NCAM2: variants seen among roughly 807,000 people sequenced by gnomAD.
NCAM2 encodes the protein N-CAM-2.
A neutral mutation model predicts 98.1 loss-of-function variants in NCAM2; 30 were observed. The observed-to-expected ratio is 0.31, with a 90% CI of 0.23 to 0.41. The LOEUF is 0.41. Among genes scored for constraint, NCAM2 ranks in the 10% least tolerant of loss-of-function variants. NCAM2 has a pLI of 1.00. For missense variants in NCAM2, 867 were observed against 1,005.8 expected (o/e 0.86, Z 1.87); for synonymous variants, 368 against 342.4 (o/e 1.07, Z -0.83).
In NCAM2 at chr21:21,104,333, A is replaced by T. The variant is rs142841423; in HGVS notation, c.55+105715A>T. On this transcript the variant is annotated intron_variant, in intron 1 of 17. Coordinates refer to ENST00000400546, the MANE Select transcript of NCAM2 (RefSeq NM_004540.5). ...TATCTGCATGTCAAATGCAAAATACATAGGATGGAAAAATAGGAACAAAGA... is the reference window on the plus strand; with the variant it reads ...TATCTGCATGTCAAATGCAAAATACTTAGGATGGAAAAATAGGAACAAAGA... Among the ~76,000 whole-genome samples, 646 of 152,290 alleles carry T rather than the reference A, an allele frequency of 4.2e-3. 6 individuals are homozygous for T. The highest frequency in any genetic ancestry group is 0.01 in the South Asian group (50 of 4,830).
At chr21:21,383,372 G>A (rs995216537) in intron 9 of NCAM2, among the ~76,000 whole-genome samples, 1 of 152,094 alleles carries the variant, frequency 6.6e-6, no homozygotes, top group Non-Finnish European at 1.5e-5. Flanking sequence ...TCCTAGCTGA[G>A]ATTACCCTCA....
intron 1 of NCAM2, among the ~76,000 whole-genome samples, chr21:21,044,897 A>C (rs949246381): frequency 1.3e-5 from 2 of 152,088 alleles, no homozygotes; most frequent in African/African-American, 4.8e-5. Context: ...GCCCAGAGAG[A>C]GACCCTGTCT....
At chr21:21,360,640 C>T (rs1191152028) in intron 8 of NCAM2, among the ~76,000 whole-genome samples, 2 of 151,932 alleles carry the variant, frequency 1.3e-5, no homozygotes, top group Non-Finnish European at 2.9e-5. Context: ...TTATATTTTA[C>T]TGTCTATTAC....
At chr21:21,253,531 TCCATCAATGAA>T (rs2071548702) in intron 1 of NCAM2, among the ~76,000 whole-genome samples, 1 of 152,052 alleles carries the variant, frequency 6.6e-6, no homozygotes, top group African/African-American at 2.4e-5. Context: ...GCTAGAAGGC[TCCATCAATGAA>T]CCAGAAAACA....
intron 9 of NCAM2, among the ~76,000 whole-genome samples, chr21:21,377,695 G>A (rs185903442): frequency 4.5e-4 from 68 of 151,916 alleles, no homozygotes; most frequent in African/African-American, 1.6e-3. Flanking sequence ...TTTTTATGGT[G>A]AGACATTTAA....
At chr21:21,335,724 TTCTAC>T (rs2074846959) in intron 7 of NCAM2, 59 bp downstream of exon 7, 1 of 1,308,736 alleles carries the variant, frequency 7.6e-7, no homozygotes, top group Non-Finnish European at 1.0e-6. Flanking sequence ...CAGAGTGAAA[TTCTAC>T]TCTAATCATT....
chr21:21,418,618 G>A lies in NCAM2; in HGVS notation c.1480+49G>A, dbSNP rs1326847952. 7 of 1,330,538 alleles carry A rather than the reference G, an allele frequency of 5.3e-6. No individual in the cohort carries two copies. The East Asian group carries it at 1.2e-4, about 22-fold the overall frequency. The allele number at this position is 1,330,538 out of a possible 1,614,324, so 82.4% of individuals were successfully genotyped here. A position where few individuals can be genotyped will look rare whatever the true frequency, so the allele number is the denominator to read the frequency against. ...GAGATCGCACACAATATTTCTGAGAGCAAATGAAAATTTAAGTTGATAAAG... is the reference window on the plus strand; with the variant it reads ...GAGATCGCACACAATATTTCTGAGAACAAATGAAAATTTAAGTTGATAAAG... On this transcript the variant is annotated intron_variant, in intron 11 of 17. Transcript: ENST00000400546.
At chr21:21,094,731 A>G (rs2066083806) in intron 1 of NCAM2, among the ~76,000 whole-genome samples, 2 of 151,736 alleles carry the variant, frequency 1.3e-5, no homozygotes, top group South Asian at 4.1e-4. Flanking sequence ...AGGATTTTAG[A>G]CATGACATTA....
intron 12 of NCAM2, among the ~76,000 whole-genome samples, chr21:21,450,793 T>TACACACAC (rs71195329): frequency 2.0e-4 from 29 of 143,518 alleles, no homozygotes; most frequent in South Asian, 4.7e-4. Context: ...TATGTATGTA[T>TACACACAC]ACACACACAC....
At position 21,071,870 on chromosome 21, in the gene NCAM2, C is replaced by CTTT. The variant is rs2065572823; in HGVS notation, c.55+73252_55+73253insTTT. Reference sequence around the variant, plus strand: ...ACTGCCCAATTATTTGTCATGTCTGCCTATCTATCTATCTATCTATCTATC... The same window carrying CTTT: ...ACTGCCCAATTATTTGTCATGTCTGCTTTCTATCTATCTATCTATCTATCTATC... On this transcript the variant is annotated intron_variant, in intron 1 of 17. Transcript: ENST00000400546. Among the ~76,000 whole-genome samples the CTTT allele has an allele frequency of 8.2e-3, 1,136 of 138,168 alleles. 2 individuals are homozygous for CTTT. Among genetic ancestry groups the CTTT allele is most frequent in the African/African-American group, 0.028 (1,034 of 36,710 alleles). 90.6% of individuals were successfully genotyped at this position (138,168 alleles called of 152,430 possible). A position where few individuals can be genotyped will look rare whatever the true frequency, so the allele number is the denominator to read the frequency against.
rs144272813 is a variant in NCAM2, at chr21:21,419,386, T to A, written c.1480+817T>A. ...TTTTTTTTTATTATTATACTTTAAGTTTTAGGGTACATGTACACAATTTGC... is the reference window on the plus strand; with the variant it reads ...TTTTTTTTTATTATTATACTTTAAGATTTAGGGTACATGTACACAATTTGC... On this transcript the variant is annotated intron_variant, in intron 11 of 17. Coordinates refer to ENST00000400546, the MANE Select transcript of NCAM2 (RefSeq NM_004540.5). Among the ~76,000 whole-genome samples the A allele has an allele frequency of 6.6e-3, 989 of 150,186 alleles. 14 individuals carry two copies. The highest frequency in any genetic ancestry group is 0.023 in the African/African-American group (916 of 40,638).
At chr21:21,117,658 C>A (rs1305067612) in intron 1 of NCAM2, among the ~76,000 whole-genome samples, 1 of 152,138 alleles carries the variant, frequency 6.6e-6, no homozygotes, top group East Asian at 1.9e-4. Context: ...TTTGACATTA[C>A]AGATTCTACT....
chr21:21,116,662 G>A (rs1188131702), intron 1 of NCAM2, among the ~76,000 whole-genome samples: 2 of 152,106 alleles, frequency 1.3e-5, no homozygotes, highest in Non-Finnish European at 2.9e-5. Flanking sequence ...AGACCATTCT[G>A]GCTAACACGT....
intron 8 of NCAM2, among the ~76,000 whole-genome samples, chr21:21,358,915 G>A (rs1240705869): frequency 6.6e-6 from 1 of 151,914 alleles, no homozygotes; most frequent in Non-Finnish European, 1.5e-5. Context: ...TAATAACATT[G>A]TATAGTGAGG....
chr21:21,287,242 G>A (rs532896213), intron 4 of NCAM2, among the ~76,000 whole-genome samples: 1 of 151,914 alleles, frequency 6.6e-6, no homozygotes, highest in Non-Finnish European at 1.5e-5. Flanking sequence ...CGATGATTCT[G>A]ATTTGTGTCC....
At chr21:21,518,239 T>C (rs1341220479) in intron 16 of NCAM2, among the ~76,000 whole-genome samples, 1 of 152,178 alleles carries the variant, frequency 6.6e-6, no homozygotes, top group East Asian at 1.9e-4. Flanking sequence ...GACCATTTGT[T>C]ATGTATGTTC....
intron 1 of NCAM2, among the ~76,000 whole-genome samples, chr21:21,232,625 A>C (rs939926351): frequency 2.6e-5 from 4 of 151,654 alleles, no homozygotes; most frequent in African/African-American, 9.7e-5. Flanking sequence ...AATAACATCC[A>C]TTAATAGGAC....
intron 1 of NCAM2, among the ~76,000 whole-genome samples, chr21:21,068,294 G>A (rs1204172850): frequency 6.6e-6 from 1 of 151,386 alleles, no homozygotes; most frequent in Non-Finnish European, 1.5e-5. Context: ...CACCGTGCCT[G>A]GCTAATTTTT....
intron 8 of NCAM2, among the ~76,000 whole-genome samples, chr21:21,360,359 T>G (rs564832035): frequency 6.6e-6 from 1 of 152,122 alleles, no homozygotes; most frequent in East Asian, 1.9e-4. Flanking sequence ...GAATCTTTCT[T>G]CGCTATGATA....
Sources: allele counts gnomAD v4.1 joint callset (sites outside exome capture counted in the v4.1 genomes callset), GRCh38; gene constraint gnomAD v4.1.1; transcripts MANE v1.5; gene names NCBI Gene and HGNC (gene_info 2026-07-23, HGNC 2026-07-21).